The following RGS6 variants were observed in gnomAD, a reference collection of about 807,000 sequenced individuals.
The protein encoded by RGS6 is regulator of G-protein signaling 6.
A neutral mutation model predicts 78.5 loss-of-function variants in RGS6; 30 were observed. That is an observed-to-expected ratio of 0.38 (90% CI 0.29 to 0.52). RGS6 has a LOEUF of 0.52. RGS6 is among the 20% of genes least tolerant of loss of function. The pLI, the probability that RGS6 is intolerant of heterozygous loss-of-function variation, is 0.85. For synonymous variants in RGS6, 206 were observed against 206.0 expected (o/e 1.00, Z 0.00); for missense variants, 495 against 609.7 (o/e 0.81, Z 1.98).
intron 15 of RGS6, among the ~76,000 whole-genome samples, chr14:72,529,050 G>T (rs997054002): frequency 2.0e-5 from 3 of 152,192 alleles, no homozygotes; most frequent in African/African-American, 7.2e-5. Context: ...ACCCACCCCC[G>T]TTTACTGTCT....
At chr14:72,247,955 A>T (rs74060703) in intron 2 of RGS6, among the ~76,000 whole-genome samples, 1 of 152,326 alleles carries the variant, frequency 6.6e-6, no homozygotes, top group African/African-American at 2.4e-5. Context: ...TTATTCTGTT[A>T]TAGCAACACA....
At chr14:72,101,553 CTCTG>C (rs1387372184) in intron 2 of RGS6, among the ~76,000 whole-genome samples, 1 of 152,210 alleles carries the variant, frequency 6.6e-6, no homozygotes, top group East Asian at 1.9e-4. Flanking sequence ...TCTGAGGTCT[CTCTG>C]TCTGGACTGT....
At position 71,941,454 on chromosome 14, in the gene RGS6, T is replaced by G. The variant is rs113688453; in HGVS notation, c.-21+8513T>G. ...TCCTGGTACCAAAATCTGTATTAGG[T>G]TTCTCTTAGAGGGATATAACTAATA... On this transcript the variant is annotated intron_variant, in intron 1 of 17. Coordinates refer to ENST00000553525, the MANE Select transcript of RGS6 (RefSeq NM_001204424.2). 9.0e-3 allele frequency among the ~76,000 whole-genome samples: 1,375 copies of G among 152,272 alleles called. 18 individuals are homozygous for G. Among genetic ancestry groups the G allele is most frequent in the African/African-American group, 0.032 (1,311 of 41,554 alleles).
intron 1 of RGS6, among the ~76,000 whole-genome samples, chr14:71,942,248 G>A (rs774893169): frequency 6.6e-6 from 1 of 151,982 alleles, no homozygotes; most frequent in East Asian, 1.9e-4. Flanking sequence ...TAATAACTAG[G>A]AATACCTGTT....
rs139166997 is a variant in RGS6, at chr14:72,414,472, T to G, written c.185-40056T>G. Among the ~76,000 whole-genome samples the G allele has an allele frequency of 1.6e-3, 243 of 152,314 alleles. 3 individuals are homozygous for G. The highest frequency in any genetic ancestry group is 5.3e-3 in the African/African-American group (222 of 41,568). ...ATTCTAGTTAGTCATTCTTTTAATT[T>G]CTTTTCAAGGTTTTTAACTTCTTTG... On this transcript the variant is annotated intron_variant, in intron 3 of 17. Coordinates refer to ENST00000553525, the MANE Select transcript of RGS6 (RefSeq NM_001204424.2).
At chr14:72,629,972 T>C in the RGS6 span, among the ~76,000 whole-genome samples, 1 of 152,110 alleles carries the variant, frequency 6.6e-6, no homozygotes, top group Non-Finnish European at 1.5e-5. Flanking sequence ...TGAGACCATA[T>C]TCCCCAGCAG....
chr14:72,161,125 G>A (rs974147282), intron 2 of RGS6, among the ~76,000 whole-genome samples: 2 of 152,142 alleles, frequency 1.3e-5, no homozygotes, highest in South Asian at 2.1e-4. Flanking sequence ...ATCATTCTCA[G>A]CAAACTAACG....
chr14:72,555,595 CTCCT>C (rs2097562979), intron 17 of RGS6, among the ~76,000 whole-genome samples: 1 of 152,158 alleles, frequency 6.6e-6, no homozygotes, highest in Non-Finnish European at 1.5e-5. Flanking sequence ...TTCCATCTGC[CTCCT>C]TCCTTGAGAG....
At chr14:71,982,496 C>G (rs1357028485) in intron 2 of RGS6, among the ~76,000 whole-genome samples, 1 of 152,046 alleles carries the variant, frequency 6.6e-6, no homozygotes, top group African/African-American at 2.4e-5. Context: ...TGTAGCTGGA[C>G]TTCAGTTCTT....
At chr14:72,226,710 C>CTTGA (rs1293285422) in intron 2 of RGS6, among the ~76,000 whole-genome samples, 1 of 152,168 alleles carries the variant, frequency 6.6e-6, no homozygotes, top group African/African-American at 2.4e-5. Context: ...TGATTGATTG[C>CTTGA]TTGATTGATT....
chr14:72,529,667 C>G (rs1262182944), intron 15 of RGS6, among the ~76,000 whole-genome samples: 1 of 152,108 alleles, frequency 6.6e-6, no homozygotes, highest in South Asian at 2.1e-4. Flanking sequence ...TCCCTGCAAT[C>G]CCACAGAATT....
chr14:72,393,208 T>A (rs190873281), intron 3 of RGS6, among the ~76,000 whole-genome samples: 1 of 152,178 alleles, frequency 6.6e-6, no homozygotes, highest in Non-Finnish European at 1.5e-5. Flanking sequence ...TCCGCACTTT[T>A]CTCAGAGTGT....
At chr14:72,198,504 T>C (rs909058738) in intron 2 of RGS6, among the ~76,000 whole-genome samples, 2 of 152,252 alleles carry the variant, frequency 1.3e-5, no homozygotes, top group Non-Finnish European at 2.9e-5. Flanking sequence ...GATGTTTCTC[T>C]TTAAAGAAAC....
intron 2 of RGS6, among the ~76,000 whole-genome samples, chr14:72,061,996 A>G (rs897636189): frequency 6.6e-6 from 1 of 152,268 alleles, no homozygotes; most frequent in African/African-American, 2.4e-5. Flanking sequence ...TTTTAGTGAG[A>G]GAATTGGGTA....
intron 17 of RGS6, 131 bp downstream of exon 17, chr14:72,540,225 C>T (rs763192514): frequency 8.5e-6 from 13 of 1,523,234 alleles, no homozygotes; most frequent in East Asian, 2.3e-5. Flanking sequence ...CTTTCTCCCT[C>T]GACTCAGCCC....
chr14:72,115,255 G>A (rs890225069), intron 2 of RGS6, among the ~76,000 whole-genome samples: 7 of 152,150 alleles, frequency 4.6e-5, no homozygotes, highest in South Asian at 2.1e-4. Context: ...TTTGACTTAC[G>A]CAGCTGTGGG....
chr14:72,284,340 G>A (rs920176757), intron 2 of RGS6, among the ~76,000 whole-genome samples: 1 of 129,420 alleles, frequency 7.7e-6, no homozygotes, highest in Non-Finnish European at 1.8e-5. Flanking sequence ...CAGGCCCAGA[G>A]GCCTAGGAGG....
chr14:72,540,365 G>A (rs545675133), intron 17 of RGS6: 2 of 1,456,280 alleles, frequency 1.4e-6, no homozygotes, highest in East Asian at 2.5e-5. Context: ...CATCTGTTCA[G>A]GGCTTTGAGG....
intron 2 of RGS6, among the ~76,000 whole-genome samples, chr14:72,214,842 A>G (rs534566246): frequency 6.6e-6 from 1 of 152,328 alleles, no homozygotes; most frequent in Non-Finnish European, 1.5e-5. Context: ...TAAGGATGGA[A>G]GAAAACCATC....
Sources: gnomAD v4.1 joint callset for allele counts (sites outside exome capture counted in the v4.1 genomes callset) on GRCh38, gnomAD v4.1.1 for gene constraint, MANE v1.5 for transcripts, NCBI Gene and HGNC (gene_info 2026-07-23, HGNC 2026-07-21) for gene names.